Variants in EFCAB6 observed in about 807,000 individuals in gnomAD.
EFCAB6 encodes the protein EF-hand calcium-binding domain-containing protein 6.
A neutral mutation model predicts 169.8 loss-of-function variants in EFCAB6; 156 were observed. The ratio of observed to expected loss-of-function variants is 0.92; its 90% CI spans 0.81 to 1.05. The LOEUF (loss-of-function observed/expected upper bound fraction) is 1.05, where lower values mean the gene tolerates loss of function less well. Among genes scored for constraint, EFCAB6 ranks in the 50% least tolerant of loss-of-function variants. The pLI is 0.00. For synonymous variants in EFCAB6, 698 were observed against 676.4 expected, an observed-to-expected ratio of 1.03 and a Z score of -0.50; for missense variants, 1,800 against 1,829.1, an observed-to-expected ratio of 0.98 and a Z score of 0.29.
intron 10 of EFCAB6, among the ~76,000 whole-genome samples, chr22:43,701,328 G>C (rs534209982): frequency 1.3e-5 from 2 of 152,120 alleles, no homozygotes; most frequent in Non-Finnish European, 1.5e-5. Flanking sequence ...TTCCTTCTTA[G>C]GAGATGACAT....
chr22:43,738,076 ACACATACATG>A (rs2060223487), intron 6 of EFCAB6, among the ~76,000 whole-genome samples: 1 of 150,728 alleles, frequency 6.6e-6, no homozygotes. Context: ...ATATTCACAC[ACACATACATG>A]CAGATACATG....
At chr22:43,749,210 T>A (rs956019267) in intron 6 of EFCAB6, among the ~76,000 whole-genome samples, 1 of 151,682 alleles carries the variant, frequency 6.6e-6, no homozygotes, top group Admixed American at 6.6e-5. Flanking sequence ...GAATGATGAG[T>A]GGTAGAACCA....
chr22:43,738,166 A>G (rs1376870273), intron 6 of EFCAB6, among the ~76,000 whole-genome samples: 1 of 151,804 alleles, frequency 6.6e-6, no homozygotes, highest in African/African-American at 2.4e-5. Context: ...ACCATCACTC[A>G]CACACATATA....
At chr22:43,647,623 G>A (rs958063127) in intron 17 of EFCAB6, among the ~76,000 whole-genome samples, 24 of 152,230 alleles carry the variant, frequency 1.6e-4, no homozygotes, top group Non-Finnish European at 8.8e-5. Context: ...GGTCTTTTCA[G>A]TTGGAATCAA....
At chr22:43,642,860 G>C (rs2055892038) in intron 17 of EFCAB6, among the ~76,000 whole-genome samples, 4 of 152,136 alleles carry the variant, frequency 2.6e-5, no homozygotes, top group Admixed American at 2.6e-4. Context: ...GATAAATAAT[G>C]GGATTTCCTT....
rs148655376 is a variant in EFCAB6, at chr22:43,650,378, C to T, written c.1984-15162G>A. Among the ~76,000 whole-genome samples, 12 of 152,300 alleles carry T rather than the reference C, an allele frequency of 7.9e-5. No individual in the cohort carries two copies. The East Asian group carries it at 1.9e-3, about 24-fold the overall frequency. ...TGCACAAGCTCTCTCTCATTTATTG[C>T]CTGCCGCCATCCATGTAAGATGAGA... On this transcript the variant is annotated intron_variant, in intron 17 of 31. Transcript: ENST00000262726.
intron 26 of EFCAB6, among the ~76,000 whole-genome samples, chr22:43,571,918 G>A (rs1260065693): frequency 6.6e-6 from 1 of 152,152 alleles, no homozygotes; most frequent in Non-Finnish European, 1.5e-5. Flanking sequence ...CGTCCTCCTG[G>A]TAAATGCATG....
At chr22:43,703,859 T>C (rs189104501) in intron 10 of EFCAB6, among the ~76,000 whole-genome samples, 1 of 152,070 alleles carries the variant, frequency 6.6e-6, no homozygotes, top group African/African-American at 2.4e-5. Flanking sequence ...GAAGAAAACC[T>C]ATGGGAATTA....
intron 24 of EFCAB6, among the ~76,000 whole-genome samples, chr22:43,582,367 C>T (rs1265035036): frequency 6.6e-6 from 1 of 151,792 alleles, no homozygotes; most frequent in Non-Finnish European, 1.5e-5. Flanking sequence ...CACACACACA[C>T]ATACACACAG....
chr22:43,760,849 G>C (rs1569475879), intron 5 of EFCAB6, among the ~76,000 whole-genome samples: 1 of 152,194 alleles, frequency 6.6e-6, no homozygotes, highest in Non-Finnish European at 1.5e-5. Context: ...TTTTAGTAGA[G>C]ACGGGGTTTC....
At position 43,672,258 on chromosome 22, in the gene EFCAB6, C is replaced by G; in HGVS notation, c.1467G>C (p.Leu489=). ...AAGTGTTACTTACTGAATCCCAGGC[C>G]AGGAGGAAAGGTGTCTTAGCATCTG... The part of the protein sequence containing the change: ...PCTDAKTPFL[L]AWDSVEEIVH... Residue 489 remains leucine, a synonymous_variant, in exon 14 of 32, where the codon CTG becomes CTC. Transcript: ENST00000262726. The G allele has an allele frequency of 6.2e-7, 1 of 1,614,094 alleles. No individual in the cohort carries two copies. Among genetic ancestry groups the G allele is most frequent in the Non-Finnish European group, 8.5e-7 (1 of 1,180,004 alleles).
chr22:43,618,225 A>T (rs1380360482), intron 20 of EFCAB6, among the ~76,000 whole-genome samples: 1 of 150,594 alleles, frequency 6.6e-6, no homozygotes, highest in African/African-American at 2.4e-5. Flanking sequence ...AAAGAAAGAG[A>T]AAGAAAGAAA....
chr22:43,686,243 G>A lies in EFCAB6; in HGVS notation c.1142+1228C>T, dbSNP rs1332673169. The stretch of plus-strand genomic sequence containing the variant: ...GATCCACCCACCTCAGCCTCCCAAC[G>A]TGCTGGGATTATAGGCGTGAGTCAC... On this transcript the variant is annotated intron_variant, in intron 11 of 31. Coordinates refer to ENST00000262726, the MANE Select transcript of EFCAB6 (RefSeq NM_022785.4). Among the ~76,000 whole-genome samples, 67 of 152,198 alleles carry A rather than the reference G, an allele frequency of 4.4e-4. 1 individual carries two copies. Among genetic ancestry groups the A allele is most frequent in the Non-Finnish European group, 1.5e-5 (1 of 68,000 alleles).
At chr22:43,563,951 G>A (rs1033326882) in intron 26 of EFCAB6, among the ~76,000 whole-genome samples, 5 of 152,316 alleles carry the variant, frequency 3.3e-5, no homozygotes, top group South Asian at 4.1e-4. Flanking sequence ...CAGGGCTGTG[G>A]GGGTCCAATC....
chr22:43,810,318 A>G (rs993326813), intron 1 of EFCAB6, among the ~76,000 whole-genome samples: 3 of 152,242 alleles, frequency 2.0e-5, no homozygotes, highest in Admixed American at 6.5e-5. Context: ...TAGAAGTAGT[A>G]AAACTGTGGA....
At chr22:43,807,993 C>G (rs1326628744) in intron 2 of EFCAB6, among the ~76,000 whole-genome samples, 1 of 152,228 alleles carries the variant, frequency 6.6e-6, no homozygotes, top group East Asian at 1.9e-4. Flanking sequence ...AATTAACCTC[C>G]TCCTGACTCA....
At chr22:43,679,560 T>C (rs1336203357) in intron 12 of EFCAB6, among the ~76,000 whole-genome samples, 1 of 152,228 alleles carries the variant, frequency 6.6e-6, no homozygotes, top group Non-Finnish European at 1.5e-5. Flanking sequence ...ACGGCCATGC[T>C]GTTTTCCACA....
At chr22:43,578,843 C>G (rs1350701379) in intron 25 of EFCAB6, among the ~76,000 whole-genome samples, 2 of 151,088 alleles carry the variant, frequency 1.3e-5, no homozygotes, top group Non-Finnish European at 3.0e-5. Context: ...TCATTCCGTA[C>G]ATGCAGGCAT....
At chr22:43,600,831 G>A (rs1348795948) in intron 22 of EFCAB6, among the ~76,000 whole-genome samples, 4 of 151,904 alleles carry the variant, frequency 2.6e-5, no homozygotes, top group Non-Finnish European at 5.9e-5. Context: ...CCCGGCTAAT[G>A]TTTCTATTTT....
Sources: allele counts gnomAD v4.1 joint callset (sites outside exome capture counted in the v4.1 genomes callset), GRCh38; gene constraint gnomAD v4.1.1; transcripts MANE v1.5; gene names NCBI Gene and HGNC (gene_info 2026-07-23, HGNC 2026-07-21).